Variants in MAGED1 observed in about 807,000 individuals in gnomAD.
MAGED1 encodes the protein melanoma-associated antigen D1.
MAGED1 carries 3 observed loss-of-function variants against 54.1 expected under a neutral mutation model. That is an observed-to-expected ratio of 0.06 (90% CI 0.03 to 0.14). The LOEUF (loss-of-function observed/expected upper bound fraction) is 0.14. Among genes scored for constraint, MAGED1 ranks in the 10% least tolerant of loss-of-function variants. The pLI, the probability that MAGED1 is intolerant of heterozygous loss-of-function variation, is 1.00. For synonymous variants in MAGED1, 217 were observed against 227.3 expected (o/e 0.95, Z 0.41); for missense variants, 485 against 623.4 (o/e 0.78, Z 2.36).
intron 1 of MAGED1, chrX:51,857,273 G>A (rs1444176814): frequency 9.0e-6 from 1 of 111,689 alleles, no homozygotes; most frequent in Admixed American, 9.5e-5. Flanking sequence ...TCCCAATGCT[G>A]GACAAATTGC....
chrX:51,871,061 TGACAACAG>T (rs1298827045), intron 1 of MAGED1, among the ~76,000 whole-genome samples: 2 of 112,413 alleles, frequency 1.8e-5, no homozygotes, highest in African/African-American at 6.5e-5. Context: ...ATGGCCTCGG[TGACAACAG>T]GAGCCCAGAC....
chrX:51,841,717 G>C (rs371645782), intron 1 of MAGED1, among the ~76,000 whole-genome samples: 1,153 of 110,939 alleles, frequency 0.01, 18 homozygotes, highest in African/African-American at 0.035. Flanking sequence ...GCTTGTTTTT[G>C]TCAGGTTTGT....
intron 1 of MAGED1, among the ~76,000 whole-genome samples, chrX:51,846,479 A>G (rs1326909033): frequency 8.9e-6 from 1 of 111,932 alleles, no homozygotes; most frequent in East Asian, 2.8e-4. Flanking sequence ...AATGCTCTGT[A>G]TTGACACCTT....
intron 1 of MAGED1, among the ~76,000 whole-genome samples, chrX:51,851,823 TC>T (rs1297832170): frequency 2.7e-5 from 3 of 111,395 alleles, no homozygotes; most frequent in Non-Finnish European, 3.8e-5. Context: ...TTCTGGAATT[TC>T]CCATTTAATA....
At chrX:51,840,255 A>T (rs1271930958) in intron 1 of MAGED1, among the ~76,000 whole-genome samples, 1 of 111,045 alleles carries the variant, frequency 9.0e-6, no homozygotes, top group Non-Finnish European at 1.9e-5. Context: ...GAGTTTTGTT[A>T]TTATTTAAAA....
chrX:51,838,712 T>A (rs782325260), intron 1 of MAGED1, among the ~76,000 whole-genome samples: 1 of 111,793 alleles, frequency 8.9e-6, no homozygotes, highest in Non-Finnish European at 1.9e-5. Flanking sequence ...CTAAAAATCA[T>A]GTCTTTATGA....
intron 1 of MAGED1, among the ~76,000 whole-genome samples, chrX:51,822,008 T>A (rs1185336310): frequency 2.7e-5 from 3 of 111,776 alleles, no homozygotes; most frequent in African/African-American, 9.8e-5. Flanking sequence ...ATTATTGTGC[T>A]TATATTCATA....
At chrX:51,812,832 A>G (rs1402281965) in intron 1 of MAGED1, among the ~76,000 whole-genome samples, 1 of 110,393 alleles carries the variant, frequency 9.1e-6, no homozygotes, top group African/African-American at 3.3e-5. Flanking sequence ...AGAACTGCCA[A>G]ACTCTTTTCC....
At chrX:51,853,884 T>G (rs1926983394) in intron 1 of MAGED1, among the ~76,000 whole-genome samples, 1 of 112,070 alleles carries the variant, frequency 8.9e-6, no homozygotes, top group South Asian at 3.7e-4. Context: ...TGGGTTTTGT[T>G]TCTTCTGTTT....
At chrX:51,851,962 T>C (rs1926909927) in intron 1 of MAGED1, among the ~76,000 whole-genome samples, 1 of 112,072 alleles carries the variant, frequency 8.9e-6, no homozygotes. Flanking sequence ...CTATTACTGC[T>C]GTAGTAAATT....
At chrX:51,850,439 G>A (rs1232868493) in intron 1 of MAGED1, among the ~76,000 whole-genome samples, 1 of 111,987 alleles carries the variant, frequency 8.9e-6, no homozygotes, top group Non-Finnish European at 1.9e-5. Context: ...AAGACTTGGT[G>A]GTAAACAAAT....
At chrX:51,847,905 C>T (rs934738152) in intron 1 of MAGED1, among the ~76,000 whole-genome samples, 5 of 111,831 alleles carry the variant, frequency 4.5e-5, no homozygotes, top group African/African-American at 1.6e-4. Flanking sequence ...TTCCTGTGTA[C>T]GTGTGCAAGA....
At chrX:51,812,254 G>A (rs1557355589) in intron 1 of MAGED1, among the ~76,000 whole-genome samples, 1 of 111,597 alleles carries the variant, frequency 9.0e-6, no homozygotes, top group Non-Finnish European at 1.9e-5. Context: ...GAGAGCAAGT[G>A]GTCATTGGTC....
At chrX:51,885,425 G>T (rs1928203900) in intron 1 of MAGED1, among the ~76,000 whole-genome samples, 2 of 111,557 alleles carry the variant, frequency 1.8e-5, no homozygotes, top group South Asian at 7.5e-4. Flanking sequence ...AGTATTTGCG[G>T]AGTGTGTATG....
At chrX:51,867,167 A>G (rs189963527) in intron 1 of MAGED1, among the ~76,000 whole-genome samples, 28 of 111,829 alleles carry the variant, frequency 2.5e-4, no homozygotes, top group Middle Eastern at 4.6e-3. Context: ...CTAAACCACC[A>G]TAAGCAATGG....
chrX:51,806,242 G>A (rs1925029663), intron 1 of MAGED1, among the ~76,000 whole-genome samples: 1 of 110,912 alleles, frequency 9.0e-6, no homozygotes, highest in Admixed American at 9.5e-5. Context: ...AAAGTGCTGG[G>A]ATTACAGGCG....
chrX:51,805,965 CTTTTTTTTTTTTTT>C (rs57427122), intron 1 of MAGED1, among the ~76,000 whole-genome samples: 2 of 36,949 alleles, frequency 5.4e-5, no homozygotes, highest in African/African-American at 1.1e-4. Context: ...CTTTTCTTTT[CTTTTTTTTTTTTTT>C]TTTTTTTTTT....
chrX:51,878,789 A>G (rs1927959809), intron 1 of MAGED1, among the ~76,000 whole-genome samples: 1 of 111,674 alleles, frequency 9.0e-6, no homozygotes, highest in Admixed American at 9.5e-5. Flanking sequence ...AATCAAGTTG[A>G]CTCAAGTCTA....
chrX:51,897,995 C>A, intron 7 of MAGED1, 109 bp downstream of exon 7: 1 of 886,529 alleles, frequency 1.1e-6, no homozygotes, highest in Non-Finnish European at 1.6e-6. Context: ...AGGTCATGGG[C>A]AGAGCTGGGG....
Sources: allele counts gnomAD v4.1 joint callset (sites outside exome capture counted in the v4.1 genomes callset), GRCh38; gene constraint gnomAD v4.1.1; transcripts MANE v1.5; gene names NCBI Gene and HGNC (gene_info 2026-07-23, HGNC 2026-07-21).